The following MED1 variants were observed in gnomAD, a reference collection of about 807,000 sequenced individuals.
MED1 encodes the protein mediator of RNA polymerase II transcription subunit 1.
In MED1, 17 loss-of-function variants were observed where a neutral mutation model predicts 121.3. The ratio of observed to expected loss-of-function variants is 0.14; its 90% CI spans 0.10 to 0.21. MED1 has a LOEUF of 0.21. Ranked by LOEUF, MED1 falls within the 10% of genes least tolerant of loss-of-function variation. The pLI, the probability that MED1 is intolerant of heterozygous loss-of-function variation, is 1.00. For synonymous variants in MED1, 661 were observed against 694.4 expected (o/e 0.95, Z 0.76); for missense variants, 1,558 against 1,919.4 (o/e 0.81, Z 3.52).
In MED1 at chr17:39,407,026, A is replaced by C. The variant is rs2048308897; in HGVS notation, c.*449T>G. On this transcript the variant is annotated 3_prime_UTR_variant, in exon 17 of 17. Coordinates refer to ENST00000300651, the MANE Select transcript of MED1 (RefSeq NM_004774.4). Reference sequence around the variant, plus strand: ...ACAACTACCTCAAACAAAGTTGAACAACCTTCATGCAAATGCATCAAGGAA... The same window carrying C: ...ACAACTACCTCAAACAAAGTTGAACCACCTTCATGCAAATGCATCAAGGAA... The C allele has an allele frequency of 5.1e-6, 5 of 987,278 alleles. No homozygotes were observed. Among genetic ancestry groups the C allele is most frequent in the Non-Finnish European group, 4.8e-6 (4 of 830,964 alleles). The allele number at this position is 987,278 out of a possible 1,614,324, so 61.2% of individuals were successfully genotyped here.
intron 14 of MED1, among the ~76,000 whole-genome samples, chr17:39,416,171 C>G (rs1023520020): frequency 6.6e-6 from 1 of 152,066 alleles, no homozygotes; most frequent in Non-Finnish European, 1.5e-5. Flanking sequence ...ATAAATTTCT[C>G]CAGAACAAAA....
intron 7 of MED1, 93 bp downstream of exon 7, chr17:39,434,156 C>T (rs976183402): frequency 4.1e-5 from 32 of 777,068 alleles, no homozygotes; most frequent in Non-Finnish European, 6.3e-5. Context: ...GAGTGACAAA[C>T]AGCAGAAGAG....
intron 14 of MED1, among the ~76,000 whole-genome samples, chr17:39,418,377 G>A (rs1320811284): frequency 1.3e-5 from 2 of 151,760 alleles, no homozygotes; most frequent in East Asian, 3.9e-4. Flanking sequence ...TGTCTCTACA[G>A]AAAAAATTAG....
chr17:39,439,767 G>A (rs567555068), intron 5 of MED1, among the ~76,000 whole-genome samples: 232 of 151,916 alleles, frequency 1.5e-3, no homozygotes, highest in African/African-American at 5.3e-3. Flanking sequence ...GGGAAACCCC[G>A]TCTCTACTAA....
intron 13 of MED1, among the ~76,000 whole-genome samples, chr17:39,420,302 C>A (rs367850179): frequency 5.9e-4 from 89 of 151,018 alleles, no homozygotes; most frequent in African/African-American, 2.0e-3. Flanking sequence ...CGAGTTCATG[C>A]CATTCTCCTG....
chr17:39,409,838 TG>T lies in MED1; in HGVS notation c.2382del (p.Ser795AlafsTer69). 1 of 1,614,198 alleles carries T rather than the reference TG, an allele frequency of 6.2e-7. No homozygotes were observed. Among genetic ancestry groups the T allele is most frequent in the Non-Finnish European group, 8.5e-7 (1 of 1,180,042 alleles). On this transcript the variant is annotated frameshift_variant, in exon 17 of 17. Coordinates refer to ENST00000300651, the MANE Select transcript of MED1 (RefSeq NM_004774.4). LOFTEE classifies it high-confidence loss of function. ...ATGGCTGGGCAATCATCACTAGTGC[TG>T]GGAAGTTTAGAAGCTTCTTCTGCAA... The part of the protein sequence containing the change: ...SDIAEEASKL[P>X]STSDDCPAIG...
chr17:39,435,122 C>T (rs1189288200), intron 6 of MED1, among the ~76,000 whole-genome samples: 5 of 152,160 alleles, frequency 3.3e-5, no homozygotes, highest in South Asian at 4.2e-4. Flanking sequence ...GAGCCGAGAT[C>T]GCGCCACTGC....
chr17:39,442,705 G>A (rs1367643712), intron 3 of MED1, among the ~76,000 whole-genome samples: 1 of 150,086 alleles, frequency 6.7e-6, no homozygotes, highest in African/African-American at 2.4e-5. Flanking sequence ...TCAAGAGATC[G>A]AGACCAGCCT....
chr17:39,435,036 C>T (rs566846413), intron 6 of MED1, among the ~76,000 whole-genome samples: 21 of 152,048 alleles, frequency 1.4e-4, no homozygotes, highest in South Asian at 2.1e-4. Flanking sequence ...AGTGTGGTGG[C>T]GGGCACCTGT....
intron 14 of MED1, among the ~76,000 whole-genome samples, chr17:39,418,085 C>CAAAA (rs760116991): frequency 0.12 from 6,809 of 55,232 alleles, 1,319 homozygotes; most frequent in Non-Finnish European, 0.15. Flanking sequence ...GACTCCGTCT[C>CAAAA]AAAAAAAAAA....
At chr17:39,413,924 A>AC (rs1166188332) in intron 16 of MED1, among the ~76,000 whole-genome samples, 2 of 149,338 alleles carry the variant, frequency 1.3e-5, no homozygotes, top group Non-Finnish European at 3.0e-5. Context: ...AAAAAAAAAA[A>AC]AAAAAAAAAA....
rs2048298889 is a variant in MED1 at position 39,405,861 on chromosome 17, T to C, written c.*1614A>G. On this transcript the variant is annotated 3_prime_UTR_variant, in exon 17 of 17. Coordinates refer to ENST00000300651, the MANE Select transcript of MED1 (RefSeq NM_004774.4). ...CTGAATATAGAAATCTTCTTCCATATATGATGAAGTCACTCCACTTACGAC... is the reference window on the plus strand; with the variant it reads ...CTGAATATAGAAATCTTCTTCCATACATGATGAAGTCACTCCACTTACGAC... 5.1e-6 allele frequency: 5 copies of C among 985,658 alleles called. No individual in the cohort carries two copies. The South Asian group carries it at 2.3e-4, about 46-fold the overall frequency. The allele number at this position is 985,658 out of a possible 1,614,324, so 61.1% of individuals were successfully genotyped here. A position where few individuals can be genotyped will look rare whatever the true frequency, so the allele number is the denominator to read the frequency against.
chr17:39,415,313 C>G lies in MED1; in HGVS notation c.1324G>C (p.Val442Leu). The stretch of plus-strand genomic sequence containing the variant: ...AAACGAGACTCTGAGAGAGGACACA[C>G]TTCAAATTGGAGAAGCCCAGGAGAA... ...EDSPGLLQFE[V>L]CPLSESRFSV... The change falls in exon 15 of 17, where the codon GTG becomes CTG. Residue 442 changes from valine (V) to leucine (L), a missense_variant. Val to Leu is a conservative substitution (Grantham distance 32). Coordinates refer to ENST00000300651, the MANE Select transcript of MED1 (RefSeq NM_004774.4). 1 of 1,613,348 alleles carries G rather than the reference C, an allele frequency of 6.2e-7. No individual in the cohort carries two copies. The highest frequency in any genetic ancestry group is 8.5e-7 in the Non-Finnish European group (1 of 1,179,426).
At chr17:39,442,598 GAA>G (rs34492410) in intron 3 of MED1, among the ~76,000 whole-genome samples, 187 of 65,814 alleles carry the variant, frequency 2.8e-3, no homozygotes, top group Non-Finnish European at 4.2e-3. Context: ...CACCGTCTCG[GAA>G]AAAAAAAAAA....
chr17:39,450,110 G>A (rs142389588), intron 1 of MED1, among the ~76,000 whole-genome samples: 108 of 109,974 alleles, frequency 9.8e-4, no homozygotes, highest in African/African-American at 2.6e-3. Context: ...CACAGTGCCC[G>A]GCAATTTTTT....
At chr17:39,448,831 C>T (rs2048754508) in intron 1 of MED1, among the ~76,000 whole-genome samples, 2 of 151,922 alleles carry the variant, frequency 1.3e-5, no homozygotes, top group African/African-American at 4.8e-5. Flanking sequence ...ATCACTTGAA[C>T]CCAGGAGGCG....
chr17:39,441,546 C>T (rs537257994), intron 3 of MED1, among the ~76,000 whole-genome samples: 57 of 152,258 alleles, frequency 3.7e-4, no homozygotes, highest in African/African-American at 1.2e-3. Context: ...CCGAGGCATG[C>T]GGATCACAAG....
intron 1 of MED1, among the ~76,000 whole-genome samples, chr17:39,449,484 TTTTTA>T (rs986090496): frequency 3.3e-5 from 5 of 151,052 alleles, no homozygotes; most frequent in Non-Finnish European, 7.4e-5. Flanking sequence ...TGGAGCTAAT[TTTTTA>T]TTTTATTTAT....
chr17:39,440,100 G>T lies in MED1; in HGVS notation c.399+286C>A, dbSNP rs1298237792. Reference sequence around the variant, plus strand: ...AGCAAGCAAGCAAGCAAGAAAGAAAGAAAGAAAAAAGAAAGAAAAGAAAGA... The same window carrying T: ...AGCAAGCAAGCAAGCAAGAAAGAAATAAAGAAAAAAGAAAGAAAAGAAAGA... On this transcript the variant is annotated intron_variant, in intron 5 of 16. Transcript: ENST00000300651. This position sits in a 1 kb window ranked among gnomAD's most constrained non-coding sequence, Gnocchi z 4.1. 1.3e-5 allele frequency among the ~76,000 whole-genome samples: 2 copies of T among 149,330 alleles called. No individual in the cohort carries two copies. Among genetic ancestry groups the T allele is most frequent in the African/African-American group, 5.0e-5 (2 of 40,372 alleles).
Sources: allele counts gnomAD v4.1 joint callset (sites outside exome capture counted in the v4.1 genomes callset), GRCh38; gene constraint gnomAD v4.1.1; non-coding constraint Gnocchi (gnomAD v3.1); transcripts MANE v1.5; gene names NCBI Gene and HGNC (gene_info 2026-07-23, HGNC 2026-07-21).